The following CACNA1A variants were observed in gnomAD, a reference collection of about 807,000 sequenced individuals.
CACNA1A encodes calcium voltage-gated channel subunit alpha1 A, also known as voltage-dependent P/Q-type calcium channel subunit alpha-1A.
In CACNA1A, 57 loss-of-function variants were observed where a neutral mutation model predicts 262.4. The observed-to-expected ratio is 0.22, with a 90% CI of 0.18 to 0.27. CACNA1A has a LOEUF of 0.27. CACNA1A is among the 10% of genes least tolerant of loss of function. CACNA1A has a pLI of 1.00. For synonymous variants in CACNA1A, 1,431 were observed against 1,419.3 expected, an observed-to-expected ratio of 1.01 and a Z score of -0.18; for missense variants, 2,526 against 3,562.8, an observed-to-expected ratio of 0.71 and a Z score of 7.41.
At chr19:13,351,847 G>A (rs939366674) in intron 6 of CACNA1A, among the ~76,000 whole-genome samples, 5 of 152,156 alleles carry the variant, frequency 3.3e-5, no homozygotes, top group Non-Finnish European at 7.4e-5. Flanking sequence ...GTCTTGCTGT[G>A]TTTCCCAGGC....
chr19:13,307,950 T>A (rs1033373588), intron 14 of CACNA1A, 96 bp from the exon 15 acceptor site: 26 of 1,400,972 alleles, frequency 1.9e-5, no homozygotes, highest in Non-Finnish European at 2.5e-5. Context: ...AACGTCTCCA[T>A]CATCTCTGTC....
At chr19:13,441,440 G>A (rs534423419) in intron 3 of CACNA1A, among the ~76,000 whole-genome samples, 1 of 152,266 alleles carries the variant, frequency 6.6e-6, no homozygotes, top group Admixed American at 6.5e-5. Context: ...GCCAAGGCGA[G>A]TGGATCACCT....
intron 3 of CACNA1A, among the ~76,000 whole-genome samples, chr19:13,429,212 C>T (rs910917141): frequency 1.3e-5 from 2 of 150,638 alleles, no homozygotes; most frequent in Non-Finnish European, 3.0e-5. Context: ...ACACACCCCT[C>T]TTTCTCTCTC....
intron 12 of CACNA1A, among the ~76,000 whole-genome samples, chr19:13,309,796 ATT>A (rs1433585149): frequency 5.9e-5 from 9 of 152,108 alleles, no homozygotes; most frequent in Admixed American, 5.9e-4. Flanking sequence ...TGTAATAACC[ATT>A]TTCTTACCTT....
At chr19:13,419,165 C>T (rs190384123) in intron 3 of CACNA1A, among the ~76,000 whole-genome samples, 6 of 152,260 alleles carry the variant, frequency 3.9e-5, no homozygotes, top group East Asian at 3.9e-4. Context: ...CCACCGTGCC[C>T]GGCCTAGATA....
At chr19:13,286,057 G>A (rs1568494455) in intron 20 of CACNA1A, among the ~76,000 whole-genome samples, 2 of 149,380 alleles carry the variant, frequency 1.3e-5, no homozygotes, top group Non-Finnish European at 2.9e-5. Context: ...CTGAAGTACT[G>A]GGATTACAGG....
chr19:13,506,137 C>A lies in CACNA1A; in HGVS notation c.88G>T (p.Gly30Trp), dbSNP rs774608710. Residue 30 changes from glycine to tryptophan, a missense_variant, in exon 1 of 47, where the codon GGG (glycine) becomes TGG (tryptophan). This residue lies in a region of CACNA1A where 65 missense variants were observed against 75.6 expected (regional missense o/e 0.86). Coordinates refer to ENST00000360228, the MANE Select transcript of CACNA1A (RefSeq NM_001127222.2). ...AAGVVVGSGGGRGAGGSRQGG... is the reference protein window; with the variant it reads ...AAGVVVGSGGWRGAGGSRQGG... ...TGCCGGCTGCCCCCGGCTCCTCGCC[C>A]GCCTCCGCTGCCCACGACCACCCCG... 6.3e-7 allele frequency: 1 copy of A among 1,591,558 alleles called. No individual in the cohort carries two copies. The highest frequency in any genetic ancestry group is 2.3e-5 in the East Asian group (1 of 43,894).
intron 3 of CACNA1A, among the ~76,000 whole-genome samples, chr19:13,402,873 CATATATATAT>C (rs71170507): frequency 0.043 from 3,146 of 72,624 alleles, 128 homozygotes; most frequent in African/African-American, 0.083. Flanking sequence ...CACACACACA[CATATATATAT>C]ATATATATAT....
chr19:13,354,314 C>T (rs1458569287), intron 6 of CACNA1A, among the ~76,000 whole-genome samples: 3 of 152,174 alleles, frequency 2.0e-5, no homozygotes, highest in Admixed American at 2.0e-4. Context: ...AAGGCCACAC[C>T]CACTGGCTTC....
At chr19:13,491,895 T>A (rs1568702401) in intron 1 of CACNA1A, among the ~76,000 whole-genome samples, 1 of 152,038 alleles carries the variant, frequency 6.6e-6, no homozygotes, top group Non-Finnish European at 1.5e-5. Flanking sequence ...ACACACACTA[T>A]TGCACTGGGG....
At chr19:13,433,134 A>G (rs575077874) in intron 3 of CACNA1A, among the ~76,000 whole-genome samples, 1 of 152,130 alleles carries the variant, frequency 6.6e-6, no homozygotes, top group Non-Finnish European at 1.5e-5. Flanking sequence ...TCTACTAAAA[A>G]TACAAAAAAT....
At chr19:13,271,766 A>ATTT (rs34116026) in intron 24 of CACNA1A, 69 of 139,664 alleles carry the variant, frequency 4.9e-4, no homozygotes, top group South Asian at 4.1e-3. Context: ...CCTCCTCAGC[A>ATTT]TTTTTTTTTT....
chr19:13,363,323 TCTC>T (rs2059145673), intron 5 of CACNA1A: 1 of 151,638 alleles, frequency 6.6e-6, no homozygotes, highest in Non-Finnish European at 1.5e-5. Flanking sequence ...TCTCTCTCTC[TCTC>T]TCTCTCTCTC....
chr19:13,502,181 TGA>T (rs1961694756), intron 1 of CACNA1A, among the ~76,000 whole-genome samples: 1 of 129,096 alleles, frequency 7.7e-6, no homozygotes, highest in Non-Finnish European at 1.6e-5. Context: ...AAAAAAAAAA[TGA>T]GAGGAGTGCC....
chr19:13,332,579 A>G (rs1036650503), intron 9 of CACNA1A, among the ~76,000 whole-genome samples: 1 of 152,168 alleles, frequency 6.6e-6, no homozygotes, highest in African/African-American at 2.4e-5. Flanking sequence ...GCCATAACGA[A>G]TATCATTCTG....
At chr19:13,420,569 G>C (rs2060301429) in intron 3 of CACNA1A, among the ~76,000 whole-genome samples, 1 of 152,102 alleles carries the variant, frequency 6.6e-6, no homozygotes, top group African/African-American at 2.4e-5. Flanking sequence ...AGAATACCAA[G>C]GGTTGCCAGG....
At chr19:13,208,135 G>C in intron 46 of CACNA1A, 82 bp from the exon 47 acceptor site, 3 of 801,022 alleles carry the variant, frequency 3.7e-6, no homozygotes, top group Non-Finnish European at 4.8e-6. Context: ...AGGAAGAGAG[G>C]GGAGCGAAGG....
chr19:13,436,501 AT>A (rs2060613290), intron 3 of CACNA1A, among the ~76,000 whole-genome samples: 1 of 152,196 alleles, frequency 6.6e-6, no homozygotes, highest in African/African-American at 2.4e-5. Flanking sequence ...CTATGAATTC[AT>A]TCATTAATTC....
Position 13,255,632 on chromosome 19 carries a change from T to C in CACNA1A, c.4591-373A>G, listed in dbSNP as rs374177557. Among the ~76,000 whole-genome samples, 14 of 151,708 alleles carry C rather than the reference T, an allele frequency of 9.2e-5. No homozygotes were observed. In the East Asian group the frequency reaches 1.4e-3, roughly 15 times the overall value. On this transcript the variant is annotated intron_variant, in intron 28 of 46. Coordinates refer to ENST00000360228, the MANE Select transcript of CACNA1A (RefSeq NM_001127222.2). ...CAGCTACCGAGTGTGCCAAATCAAATTGAAGCCTAATCCTTCTTCCCCTTC... is the reference window on the plus strand; with the variant it reads ...CAGCTACCGAGTGTGCCAAATCAAACTGAAGCCTAATCCTTCTTCCCCTTC...
Sources: allele counts gnomAD v4.1 joint callset (sites outside exome capture counted in the v4.1 genomes callset), GRCh38; gene constraint gnomAD v4.1.1; regional missense constraint gnomAD v4.1.1; transcripts MANE v1.5; gene names NCBI Gene and HGNC (gene_info 2026-07-23, HGNC 2026-07-21).